Variants in KCNJ3 observed in about 807,000 individuals in gnomAD.
KCNJ3 encodes the protein potassium inwardly rectifying channel subfamily J member 3.
KCNJ3 carries 4 observed loss-of-function variants against 39.2 expected under a neutral mutation model. That is an observed-to-expected ratio of 0.10 (90% CI 0.05 to 0.23). The LOEUF (loss-of-function observed/expected upper bound fraction) is 0.23. Ranked by LOEUF, KCNJ3 falls within the 10% of genes least tolerant of loss-of-function variation. The probability of loss-of-function intolerance (pLI) is 1.00; values close to 1 mark genes in which losing one functional copy is unlikely to be tolerated. For synonymous variants in KCNJ3, 230 were observed against 237.4 expected (o/e 0.97, Z 0.29); for missense variants, 276 against 634.9 (o/e 0.43, Z 6.08).
intron 2 of KCNJ3, among the ~76,000 whole-genome samples, chr2:154,761,310 C>G (rs2961959): frequency 0.48 from 72,797 of 151,748 alleles, 17,600 homozygotes; most frequent in Non-Finnish European, 0.5. Flanking sequence ...TTTGTTTTTA[C>G]GTTTTAACTT....
chr2:154,823,349 A>G (rs1397876017), intron 2 of KCNJ3, among the ~76,000 whole-genome samples: 2 of 152,078 alleles, frequency 1.3e-5, no homozygotes, highest in Non-Finnish European at 1.5e-5. Context: ...AGAGAGAAAG[A>G]AAAAGAGGCC....
chr2:154,705,707 C>T lies in KCNJ3; in HGVS notation c.703-3896C>T, dbSNP rs539080985. Among the ~76,000 whole-genome samples, 64 of 152,184 alleles carry T rather than the reference C, an allele frequency of 4.2e-4. 1 individual carries two copies. Among genetic ancestry groups the T allele is most frequent in the African/African-American group, 1.4e-3 (60 of 41,550 alleles). On this transcript the variant is annotated intron_variant, in intron 1 of 2. Coordinates refer to ENST00000295101, the MANE Select transcript of KCNJ3 (RefSeq NM_002239.4). ...AGTAACTTCAAAATTATTGCCACAA[C>T]CAAAATTGTACAGAATTATCAAAAA...
chr2:154,714,109 G>C (rs1017857550), intron 2 of KCNJ3, among the ~76,000 whole-genome samples: 10 of 152,240 alleles, frequency 6.6e-5, no homozygotes, highest in African/African-American at 2.4e-4. Flanking sequence ...TTCCGAAACT[G>C]TGTCTTTTAT....
intron 2 of KCNJ3, among the ~76,000 whole-genome samples, chr2:154,821,571 C>T (rs1238536489): frequency 1.3e-5 from 2 of 150,532 alleles, no homozygotes; most frequent in Non-Finnish European, 2.9e-5. Flanking sequence ...GCCTCAAAAG[C>T]TTGCAGTGAC....
chr2:154,795,384 A>AT (rs976719873), intron 2 of KCNJ3, among the ~76,000 whole-genome samples: 1 of 151,572 alleles, frequency 6.6e-6, no homozygotes, highest in African/African-American at 2.4e-5. Flanking sequence ...CTCAATTTTA[A>AT]TTTTTTTCTT....
At chr2:154,841,074 C>CATAA (rs1187722897) in intron 2 of KCNJ3, among the ~76,000 whole-genome samples, 1 of 152,132 alleles carries the variant, frequency 6.6e-6, no homozygotes, top group African/African-American at 2.4e-5. Flanking sequence ...GTGGGTTTGT[C>CATAA]ATAAATAGCT....
At chr2:154,762,033 G>A (rs1686055745) in intron 2 of KCNJ3, among the ~76,000 whole-genome samples, 1 of 152,176 alleles carries the variant, frequency 6.6e-6, no homozygotes, top group African/African-American at 2.4e-5. Flanking sequence ...AATGGGGCCA[G>A]TAGTCAAGGA....
chr2:154,765,494 A>G (rs1686118695), intron 2 of KCNJ3, among the ~76,000 whole-genome samples: 1 of 152,218 alleles, frequency 6.6e-6, no homozygotes, highest in Admixed American at 6.5e-5. Context: ...TCTAGTGCCT[A>G]GCATACTGCC....
At chr2:154,840,574 A>G (rs1687558080) in intron 2 of KCNJ3, among the ~76,000 whole-genome samples, 1 of 152,146 alleles carries the variant, frequency 6.6e-6, no homozygotes, top group Admixed American at 6.5e-5. Context: ...ATGAGCATGG[A>G]ATATTCTTCC....
intron 2 of KCNJ3, among the ~76,000 whole-genome samples, chr2:154,779,532 GTTATATATATAT>G (rs1445966467): frequency 1.4e-5 from 2 of 142,918 alleles, no homozygotes; most frequent in Non-Finnish European, 3.0e-5. Context: ...TATATATATA[GTTATATATATAT>G]TTATATATAT....
intron 2 of KCNJ3, among the ~76,000 whole-genome samples, chr2:154,850,571 C>T (rs1473266787): frequency 6.6e-6 from 1 of 152,128 alleles, no homozygotes; most frequent in Non-Finnish European, 1.5e-5. Context: ...ATAAATCTTC[C>T]ATATCTTTAT....
intron 2 of KCNJ3, among the ~76,000 whole-genome samples, chr2:154,746,323 C>T (rs1170540155): frequency 6.6e-6 from 1 of 151,648 alleles, no homozygotes; most frequent in Non-Finnish European, 1.5e-5. Context: ...AAACTTGTGC[C>T]TGCATGGTAA....
intron 2 of KCNJ3, among the ~76,000 whole-genome samples, chr2:154,726,163 G>A (rs754147592): frequency 7.9e-5 from 12 of 151,950 alleles, no homozygotes; most frequent in South Asian, 2.1e-4. Flanking sequence ...AATAATCAGC[G>A]GAGTAAACAG....
At chr2:154,709,207 A>C (rs1379233667) in intron 1 of KCNJ3, 1 of 203,922 alleles carries the variant, frequency 4.9e-6, no homozygotes, top group Non-Finnish European at 1.0e-5. Flanking sequence ...CTCCATAAGA[A>C]TTGCCTACTT....
At chr2:154,774,212 TG>T (rs772397869) in intron 2 of KCNJ3, among the ~76,000 whole-genome samples, 12 of 152,162 alleles carry the variant, frequency 7.9e-5, no homozygotes, top group Non-Finnish European at 1.6e-4. Flanking sequence ...AACAACTCAC[TG>T]GTCCAGGACA....
At chr2:154,715,139 C>A (rs1392217267) in intron 2 of KCNJ3, among the ~76,000 whole-genome samples, 1 of 152,166 alleles carries the variant, frequency 6.6e-6, no homozygotes, top group African/African-American at 2.4e-5. Flanking sequence ...ACTCTCAATT[C>A]AACTATTCCT....
intron 2 of KCNJ3, among the ~76,000 whole-genome samples, chr2:154,843,228 T>G (rs998199786): frequency 6.6e-6 from 1 of 152,208 alleles, no homozygotes; most frequent in South Asian, 2.1e-4. Flanking sequence ...AATTCTGGGT[T>G]GAAAATTCTT....
chr2:154,744,998 G>C (rs1335280981), intron 2 of KCNJ3, among the ~76,000 whole-genome samples: 1 of 151,768 alleles, frequency 6.6e-6, no homozygotes, highest in Non-Finnish European at 1.5e-5. Flanking sequence ...GGACTATTTA[G>C]AAGTATGTTG....
At chr2:154,818,347 T>G (rs1226671549) in intron 2 of KCNJ3, among the ~76,000 whole-genome samples, 1 of 140,968 alleles carries the variant, frequency 7.1e-6, no homozygotes, top group Admixed American at 7.1e-5. Flanking sequence ...TAGATACATG[T>G]TTTTTTTTAT....
Sources: allele counts gnomAD v4.1 joint callset (sites outside exome capture counted in the v4.1 genomes callset), GRCh38; gene constraint gnomAD v4.1.1; transcripts MANE v1.5; gene names NCBI Gene and HGNC (gene_info 2026-07-23, HGNC 2026-07-21).